Variants in ADAMTS3 observed in about 807,000 individuals in gnomAD.
The protein encoded by ADAMTS3 is ADAM metallopeptidase with thrombospondin type 1 motif 3, also known as A disintegrin and metalloproteinase with thrombospondin motifs 3.
ADAMTS3 carries 73 observed loss-of-function variants against 129.0 expected under a neutral mutation model. The ratio of observed to expected loss-of-function variants is 0.57; its 90% CI spans 0.47 to 0.69. The LOEUF is 0.69. Ranked by LOEUF, ADAMTS3 falls within the 30% of genes least tolerant of loss-of-function variation. The pLI, the probability that ADAMTS3 is intolerant of heterozygous loss-of-function variation, is 0.00. For missense variants in ADAMTS3, 1,457 were observed against 1,514.5 expected (o/e 0.96, Z 0.63); for synonymous variants, 477 against 510.8 (o/e 0.93, Z 0.89).
intron 4 of ADAMTS3, among the ~76,000 whole-genome samples, chr4:72,342,278 A>G (rs1269975200): frequency 6.6e-6 from 1 of 151,996 alleles, no homozygotes; most frequent in Non-Finnish European, 1.5e-5. Flanking sequence ...ATGAGGTTTG[A>G]ATTCTTTTAA....
chr4:72,472,485 GTTTGT>G (rs997694274), intron 3 of ADAMTS3, among the ~76,000 whole-genome samples: 3 of 151,998 alleles, frequency 2.0e-5, no homozygotes, highest in African/African-American at 7.2e-5. Context: ...ATGAAAATCA[GTTTGT>G]TTTCTTACTT....
At chr4:72,472,201 T>C (rs1719091062) in intron 3 of ADAMTS3, among the ~76,000 whole-genome samples, 1 of 152,104 alleles carries the variant, frequency 6.6e-6, no homozygotes, top group Non-Finnish European at 1.5e-5. Context: ...ACATTCTCAA[T>C]TCCACTACAT....
chr4:72,288,918 GCA>G, intron 20 of ADAMTS3, 50 bp from the exon 21 acceptor site: 2 of 564,418 alleles, frequency 3.5e-6, no homozygotes, highest in Non-Finnish European at 6.0e-6. Flanking sequence ...CCAAGACCAT[GCA>G]CATACACACA....
chr4:72,524,006 T>G (rs1720742582), intron 3 of ADAMTS3, among the ~76,000 whole-genome samples: 2 of 152,168 alleles, frequency 1.3e-5, no homozygotes, highest in Admixed American at 6.5e-5. Context: ...CTAATGTATT[T>G]CCCTTTTAGG....
intron 14 of ADAMTS3, among the ~76,000 whole-genome samples, chr4:72,310,336 T>G (rs921456346): frequency 1.3e-5 from 2 of 151,998 alleles, no homozygotes; most frequent in African/African-American, 4.8e-5. Context: ...AACACATACG[T>G]TTAATGTACT....
chr4:72,389,083 CTGTT>C (rs1388363882), intron 4 of ADAMTS3, among the ~76,000 whole-genome samples: 1 of 152,170 alleles, frequency 6.6e-6, no homozygotes, highest in Non-Finnish European at 1.5e-5. Flanking sequence ...ATCACCCACA[CTGTT>C]TGTACAGTTT....
chr4:72,304,940 G>C (rs916613300), intron 16 of ADAMTS3, among the ~76,000 whole-genome samples: 1 of 152,012 alleles, frequency 6.6e-6, no homozygotes, highest in Non-Finnish European at 1.5e-5. Flanking sequence ...GCTTGAGAGA[G>C]AACTATAGCT....
chr4:72,383,646 C>T (rs974615149), intron 4 of ADAMTS3, among the ~76,000 whole-genome samples: 3 of 152,164 alleles, frequency 2.0e-5, no homozygotes, highest in Admixed American at 2.0e-4. Flanking sequence ...AGAGGGGTTA[C>T]AGTTTACAAT....
chr4:72,329,224 G>C (rs1468822597), intron 5 of ADAMTS3, among the ~76,000 whole-genome samples: 1 of 152,152 alleles, frequency 6.6e-6, no homozygotes, highest in Non-Finnish European at 1.5e-5. Context: ...AATGTCATTT[G>C]AAATGGGAAT....
At chr4:72,329,267 C>G (rs1719777404) in intron 5 of ADAMTS3, among the ~76,000 whole-genome samples, 1 of 151,982 alleles carries the variant, frequency 6.6e-6, no homozygotes, top group Admixed American at 6.6e-5. Flanking sequence ...ATATGAGTGA[C>G]AAGATAGAGG....
At chr4:72,505,233 T>C (rs1398527043) in intron 3 of ADAMTS3, among the ~76,000 whole-genome samples, 1 of 152,172 alleles carries the variant, frequency 6.6e-6, no homozygotes, top group Non-Finnish European at 1.5e-5. Context: ...GGATTTTTTC[T>C]TTTTCTCTAT....
Position 72,414,977 on chromosome 4 carries a change from G to T in ADAMTS3, c.505-6C>A. The T allele has an allele frequency of 6.8e-7, 1 of 1,481,090 alleles. No homozygotes were observed. The highest frequency in any genetic ancestry group is 8.9e-7 in the Non-Finnish European group (1 of 1,117,952). 91.7% of individuals were successfully genotyped at this position (1,481,090 alleles called of 1,614,324 possible). A position where few individuals can be genotyped will look rare whatever the true frequency, so the allele number is the denominator to read the frequency against. On this transcript the variant is annotated splice_polypyrimidine_tract_variant and splice_region_variant and intron_variant, in intron 3 of 21. Transcript: ENST00000286657. ...TCACTTTTTATCATTCCAGCCTAGA[G>T]AAAGCACAAAATGTGTTAATTTAAA... is the stretch of plus-strand genomic sequence containing the variant.
Position 72,282,418 on chromosome 4 carries a change from T to G in ADAMTS3, c.*718A>C, listed in dbSNP as rs1252339988. ...ATCTGTATATCTATAGCTTTTGTGT[T>G]TCTTTTCTTTTTCTATAATTTACGT... On this transcript the variant is annotated 3_prime_UTR_variant, in exon 22 of 22. Coordinates refer to ENST00000286657, the MANE Select transcript of ADAMTS3 (RefSeq NM_014243.3). 6.6e-6 allele frequency: 1 copy of G among 152,292 alleles called. No homozygotes were observed. The highest frequency in any genetic ancestry group is 1.9e-4 in the East Asian group (1 of 5,200). The allele number at this position is 152,292 out of a possible 1,614,324, so 9.4% of individuals were successfully genotyped here.
At position 72,548,611 on chromosome 4, in the gene ADAMTS3, A is replaced by T; in HGVS notation, c.371T>A (p.Ile124Asn). 1 of 1,613,972 alleles carries T rather than the reference A, an allele frequency of 6.2e-7. No individual in the cohort carries two copies. The change falls in exon 3 of 22, where the codon ATT becomes AAT. Residue 124 changes from isoleucine to asparagine, a missense_variant. Physicochemically the swap from Ile to Asn is moderately radical, Grantham distance 149. Transcript: ENST00000286657. ...SLVPGNITDP[I>N]NNHQPGSATY... The stretch of plus-strand genomic sequence containing the variant: ...AGCACTTCCTGGTTGATGGTTGTTA[A>T]TGGGATCGGTTATATTCCCAGGCAC...
At chr4:72,371,657 T>C (rs560890616) in intron 4 of ADAMTS3, among the ~76,000 whole-genome samples, 1 of 151,966 alleles carries the variant, frequency 6.6e-6, no homozygotes, top group Non-Finnish European at 1.5e-5. Flanking sequence ...TTATCAGAAC[T>C]AAAATTAAAC....
Position 72,455,620 on chromosome 4 carries a change from TAA to T in ADAMTS3, c.505-40651_505-40650del, listed in dbSNP as rs71215432. ...ACATGTATCCCAGAACTTAAAGTATTAAAAAAAAAAAAAAAGAAAGAAAGAAA... is the reference window on the plus strand; with the variant it reads ...ACATGTATCCCAGAACTTAAAGTATTAAAAAAAAAAAAAGAAAGAAAGAAA... On this transcript the variant is annotated intron_variant, in intron 3 of 21. Transcript: ENST00000286657. Among the ~76,000 whole-genome samples, 843 of 134,676 alleles carry T rather than the reference TAA, an allele frequency of 6.3e-3. 6 individuals carry two copies. Among genetic ancestry groups the T allele is most frequent in the African/African-American group, 0.017 (607 of 36,268 alleles). 88.4% of individuals were successfully genotyped at this position (134,676 alleles called of 152,430 possible).
intron 4 of ADAMTS3, among the ~76,000 whole-genome samples, chr4:72,407,228 G>A (rs1722072946): frequency 6.6e-6 from 1 of 151,672 alleles, no homozygotes; most frequent in Non-Finnish European, 1.5e-5. Context: ...TTCCCATACT[G>A]GCTTTCCCTA....
At chr4:72,329,092 T>C (rs1036539450) in intron 5 of ADAMTS3, among the ~76,000 whole-genome samples, 4 of 152,180 alleles carry the variant, frequency 2.6e-5, no homozygotes, top group Admixed American at 2.6e-4. Flanking sequence ...TGCCCAAATG[T>C]TCTGGGGGTG....
At chr4:72,499,495 A>C (rs537356363) in intron 3 of ADAMTS3, among the ~76,000 whole-genome samples, 6 of 152,182 alleles carry the variant, frequency 3.9e-5, no homozygotes, top group Admixed American at 1.3e-4. Context: ...AAAAAGTGGT[A>C]AACTACATTT....
Sources: allele counts gnomAD v4.1 joint callset (sites outside exome capture counted in the v4.1 genomes callset), GRCh38; gene constraint gnomAD v4.1.1; transcripts MANE v1.5; gene names NCBI Gene and HGNC (gene_info 2026-07-23, HGNC 2026-07-21).